LRRTM4: variants seen among roughly 807,000 people sequenced by gnomAD.
LRRTM4 encodes leucine rich repeat transmembrane neuronal 4, also known as leucine-rich repeat transmembrane neuronal protein 4.
In LRRTM4, 25 loss-of-function variants were observed where a neutral mutation model predicts 47.6. The observed-to-expected ratio is 0.53, with a 90% confidence interval of 0.38 to 0.73. The LOEUF is 0.73. LRRTM4 is among the 30% of genes least tolerant of loss of function. The pLI is 0.00. For missense variants in LRRTM4, 638 were observed against 713.4 expected (o/e 0.89, Z 1.20); for synonymous variants, 311 against 269.5 (o/e 1.15, Z -1.51).
At chr2:76,923,326 T>G (rs1387140173) in intron 3 of LRRTM4, among the ~76,000 whole-genome samples, 1 of 152,044 alleles carries the variant, frequency 6.6e-6, no homozygotes, top group Non-Finnish European at 1.5e-5. Context: ...ATCCAGTTGT[T>G]AAATTTGTAG....
chr2:77,036,575 TCA>T (rs1471964095), intron 3 of LRRTM4, among the ~76,000 whole-genome samples: 6 of 151,892 alleles, frequency 4.0e-5, no homozygotes, highest in East Asian at 3.9e-4. Flanking sequence ...TCTAAATGTT[TCA>T]GTTTTTCTTT....
At chr2:76,758,106 G>T (rs1403501878) in intron 3 of LRRTM4, among the ~76,000 whole-genome samples, 1 of 152,028 alleles carries the variant, frequency 6.6e-6, no homozygotes, top group Non-Finnish European at 1.5e-5. Flanking sequence ...ACCATTTCTA[G>T]TGCCCTTAAC....
At chr2:76,773,854 G>A (rs1437795599) in intron 3 of LRRTM4, among the ~76,000 whole-genome samples, 2 of 150,874 alleles carry the variant, frequency 1.3e-5, no homozygotes, top group Non-Finnish European at 2.9e-5. Context: ...TGGTAGCAGA[G>A]GTTTGATCCT....
At chr2:77,336,404 A>G (rs1671171245) in intron 3 of LRRTM4, among the ~76,000 whole-genome samples, 2 of 152,106 alleles carry the variant, frequency 1.3e-5, no homozygotes, top group African/African-American at 4.8e-5. Flanking sequence ...TTTTTTACCA[A>G]AATTATAGTT....
intron 3 of LRRTM4, among the ~76,000 whole-genome samples, chr2:77,181,950 G>A (rs912455234): frequency 6.6e-6 from 1 of 152,132 alleles, no homozygotes; most frequent in Non-Finnish European, 1.5e-5. Flanking sequence ...TGGAGAAATA[G>A]GAATGCTTTT....
chr2:77,203,104 TAC>T (rs1352118660), intron 3 of LRRTM4, among the ~76,000 whole-genome samples: 1 of 151,746 alleles, frequency 6.6e-6, no homozygotes, highest in Non-Finnish European at 1.5e-5. Context: ...TATATATATA[TAC>T]ACACACATAT....
intron 3 of LRRTM4, among the ~76,000 whole-genome samples, chr2:77,228,894 C>A (rs1441849913): frequency 3.9e-5 from 6 of 152,126 alleles, no homozygotes; most frequent in African/African-American, 1.2e-4. Flanking sequence ...TGTTACCTCT[C>A]CTGTCTCCCA....
chr2:77,222,383 AC>A (rs1674662259), intron 3 of LRRTM4, among the ~76,000 whole-genome samples: 1 of 152,238 alleles, frequency 6.6e-6, no homozygotes, highest in African/African-American at 2.4e-5. Context: ...AAATAGAGAC[AC>A]AAAAAACCCT....
intron 3 of LRRTM4, among the ~76,000 whole-genome samples, chr2:76,769,639 G>A (rs1048634339): frequency 6.6e-5 from 10 of 152,102 alleles, no homozygotes; most frequent in Non-Finnish European, 1.3e-4. Context: ...ACCTGACTTA[G>A]GATTTTATTA....
intron 3 of LRRTM4, among the ~76,000 whole-genome samples, chr2:76,792,118 G>C (rs1314891121): frequency 6.7e-6 from 1 of 149,390 alleles, no homozygotes; most frequent in Non-Finnish European, 1.5e-5. Context: ...GAGAAATAGA[G>C]TTTTTCTAGT....
intron 3 of LRRTM4, among the ~76,000 whole-genome samples, chr2:77,390,000 G>T (rs1363940606): frequency 6.6e-6 from 1 of 152,038 alleles, no homozygotes; most frequent in Non-Finnish European, 1.5e-5. Context: ...GACCTTAAAG[G>T]AATACTTGAC....
chr2:77,243,932 C>T (rs1675347795), intron 3 of LRRTM4, among the ~76,000 whole-genome samples: 1 of 133,968 alleles, frequency 7.5e-6, no homozygotes, highest in Non-Finnish European at 1.6e-5. Context: ...CCCCCCACCC[C>T]ACCACAGTCC....
At chr2:77,380,167 C>A (rs1421907420) in intron 3 of LRRTM4, among the ~76,000 whole-genome samples, 1 of 152,108 alleles carries the variant, frequency 6.6e-6, no homozygotes, top group Non-Finnish European at 1.5e-5. Flanking sequence ...GCATGGGAAT[C>A]TATAATTAGA....
chr2:77,443,764 G>T (rs1465020379), intron 3 of LRRTM4, among the ~76,000 whole-genome samples: 1 of 152,094 alleles, frequency 6.6e-6, no homozygotes, highest in Non-Finnish European at 1.5e-5. Flanking sequence ...AAATATGACA[G>T]CATCCCTAAC....
At chr2:77,016,243 G>T (rs1254682018) in intron 3 of LRRTM4, among the ~76,000 whole-genome samples, 2 of 151,774 alleles carry the variant, frequency 1.3e-5, no homozygotes, top group African/African-American at 2.4e-5. Context: ...AAAATTAGCT[G>T]GGCGTGGTGG....
chr2:76,878,839 A>G (rs889417909), intron 3 of LRRTM4, among the ~76,000 whole-genome samples: 3 of 151,988 alleles, frequency 2.0e-5, no homozygotes, highest in Non-Finnish European at 4.4e-5. Context: ...GCGCCACTGC[A>G]CTCCAGCCTG....
intron 3 of LRRTM4, among the ~76,000 whole-genome samples, chr2:77,221,483 T>A (rs1181446472): frequency 6.6e-6 from 1 of 151,848 alleles, no homozygotes; most frequent in African/African-American, 2.4e-5. Flanking sequence ...GAGACACACA[T>A]AGGCTCAAAA....
chr2:76,778,333 T>C (rs1674151705), intron 3 of LRRTM4, among the ~76,000 whole-genome samples: 1 of 141,996 alleles, frequency 7.0e-6, no homozygotes, highest in South Asian at 2.3e-4. Flanking sequence ...TCAGAAGGAA[T>C]GGTACCAGTT....
At chr2:76,975,641 G>T (rs1434436867) in intron 3 of LRRTM4, among the ~76,000 whole-genome samples, 2 of 151,588 alleles carry the variant, frequency 1.3e-5, no homozygotes, top group African/African-American at 4.8e-5. Flanking sequence ...ATGAAGCCAA[G>T]GTTAGAAGTT....
Sources: gnomAD v4.1 joint callset for allele counts (sites outside exome capture counted in the v4.1 genomes callset) on GRCh38, gnomAD v4.1.1 for gene constraint, MANE v1.5 for transcripts, NCBI Gene and HGNC (gene_info 2026-07-23, HGNC 2026-07-21) for gene names.